SAMD5: variants seen among roughly 807,000 people sequenced by gnomAD.
SAMD5 encodes the protein sterile alpha motif domain-containing protein 5.
A neutral mutation model predicts 11.3 loss-of-function variants in SAMD5; 13 were observed. That is an observed-to-expected ratio of 1.15 (90% CI 0.75 to 1.83). The LOEUF (loss-of-function observed/expected upper bound fraction) is 1.83, where lower values mean the gene tolerates loss of function less well. Among genes scored for constraint, SAMD5 ranks in the 40% most tolerant of loss-of-function variants. The probability of loss-of-function intolerance (pLI) is 0.00; values close to 1 mark genes in which losing one functional copy is unlikely to be tolerated. For missense variants in SAMD5, 255 were observed against 239.1 expected (o/e 1.07, Z -0.44); for synonymous variants, 129 against 111.3 (o/e 1.16, Z -1.00).
the SAMD5 span, among the ~76,000 whole-genome samples, chr6:147,838,308 A>G: frequency 6.6e-6 from 1 of 152,226 alleles, no homozygotes; most frequent in Non-Finnish European, 1.5e-5. Context: ...GAGATTGAAT[A>G]AGAACCTGGA....
At chr6:147,616,323 A>ATGT (rs1562334387) in intron 1 of SAMD5, among the ~76,000 whole-genome samples, 2 of 147,224 alleles carry the variant, frequency 1.4e-5, no homozygotes, top group African/African-American at 5.1e-5. Context: ...ATTCATATAT[A>ATGT]CTTCATATAT....
intron 1 of SAMD5, among the ~76,000 whole-genome samples, chr6:147,631,451 G>A (rs1473614730): frequency 2.0e-5 from 3 of 152,114 alleles, no homozygotes; most frequent in Non-Finnish European, 4.4e-5. Context: ...TTGAAAGACT[G>A]TTAGTTCGTT....
At chr6:147,870,661 G>A in the SAMD5 span, among the ~76,000 whole-genome samples, 1 of 150,970 alleles carries the variant, frequency 6.6e-6, no homozygotes, top group African/African-American at 2.4e-5. Flanking sequence ...AAATTCAATC[G>A]GCAATTCAGA....
At chr6:147,799,861 C>A in the SAMD5 span, among the ~76,000 whole-genome samples, 1 of 152,172 alleles carries the variant, frequency 6.6e-6, no homozygotes, top group Non-Finnish European at 1.5e-5. Context: ...TTGATCACAT[C>A]GGCTCCTGAG....
the SAMD5 span, among the ~76,000 whole-genome samples, chr6:147,921,583 C>G: frequency 6.6e-6 from 1 of 152,174 alleles, no homozygotes; most frequent in Non-Finnish European, 1.5e-5. Flanking sequence ...ATTGAATGGA[C>G]TCAGGGGACT....
At chr6:147,639,519 C>T (rs1175047700) in intron 1 of SAMD5, among the ~76,000 whole-genome samples, 1 of 152,204 alleles carries the variant, frequency 6.6e-6, no homozygotes, top group Non-Finnish European at 1.5e-5. Flanking sequence ...GGCTCATCCT[C>T]ATCTCAGCGG....
At chr6:147,704,395 T>C (rs760566775) in intron 1 of SAMD5, among the ~76,000 whole-genome samples, 8 of 152,168 alleles carry the variant, frequency 5.3e-5, no homozygotes, top group Non-Finnish European at 7.4e-5. Context: ...AATTATGTTC[T>C]TCACTCATCA....
the SAMD5 span, among the ~76,000 whole-genome samples, chr6:147,917,842 G>T: frequency 2.6e-5 from 4 of 152,068 alleles, no homozygotes; most frequent in South Asian, 4.2e-4. Context: ...TGTTTTTGTC[G>T]GGTTTGTCAA....
chr6:147,799,608 T>G, the SAMD5 span, among the ~76,000 whole-genome samples: 2 of 151,958 alleles, frequency 1.3e-5, no homozygotes, highest in African/African-American at 2.4e-5. Flanking sequence ...GAATCTGAAC[T>G]TTGGCCTGCC....
At chr6:147,902,129 C>T in the SAMD5 span, among the ~76,000 whole-genome samples, 1 of 148,416 alleles carries the variant, frequency 6.7e-6, no homozygotes, top group Non-Finnish European at 1.5e-5. Context: ...AATAGTATGG[C>T]AATCAAGGGG....
chr6:147,842,613 T>G, the SAMD5 span, among the ~76,000 whole-genome samples: 1 of 152,084 alleles, frequency 6.6e-6, no homozygotes, highest in Non-Finnish European at 1.5e-5. Flanking sequence ...ATGCTTGAAA[T>G]TGAATGAAAA....
the SAMD5 span, among the ~76,000 whole-genome samples, chr6:147,861,936 A>T: frequency 6.6e-6 from 1 of 152,164 alleles, no homozygotes; most frequent in Non-Finnish European, 1.5e-5. Flanking sequence ...TTGCACATAA[A>T]TAGATACATT....
At chr6:147,654,849 G>A (rs1441263447) in intron 1 of SAMD5, among the ~76,000 whole-genome samples, 1 of 151,904 alleles carries the variant, frequency 6.6e-6, no homozygotes, top group East Asian at 1.9e-4. Flanking sequence ...AATTTTGCTT[G>A]TTGTCAGTTT....
the SAMD5 span, among the ~76,000 whole-genome samples, chr6:147,767,025 G>C: frequency 1.3e-5 from 2 of 152,280 alleles, no homozygotes; most frequent in Admixed American, 1.3e-4. Context: ...ATAATAGGAT[G>C]CTATTTAGCT....
chr6:147,606,165 C>T (rs186821088), intron 1 of SAMD5, among the ~76,000 whole-genome samples: 53 of 152,216 alleles, frequency 3.5e-4, no homozygotes, highest in Non-Finnish European at 6.3e-4. Flanking sequence ...TCCTGCCCAG[C>T]CCAGACTAGA....
chr6:147,518,840 A>G (rs772653123), intron 1 of SAMD5, among the ~76,000 whole-genome samples: 1 of 152,238 alleles, frequency 6.6e-6, no homozygotes, highest in Admixed American at 6.5e-5. Flanking sequence ...CAGATCAGCC[A>G]CTGATTTGGA....
the SAMD5 span, among the ~76,000 whole-genome samples, chr6:147,744,469 T>G: frequency 4.6e-5 from 7 of 152,262 alleles, no homozygotes; most frequent in African/African-American, 1.4e-4. Flanking sequence ...TTGCTTATAC[T>G]GAAAGAGAAA....
downstream of SAMD5, among the ~76,000 whole-genome samples, chr6:147,738,907 G>C (rs1410030553): frequency 2.0e-5 from 3 of 152,166 alleles, no homozygotes. Flanking sequence ...ATTATGAAAA[G>C]CACACCACAC....
intron 1 of SAMD5, among the ~76,000 whole-genome samples, chr6:147,578,075 C>T (rs1023783591): frequency 6.6e-6 from 1 of 152,104 alleles, no homozygotes; most frequent in African/African-American, 2.4e-5. Context: ...AATGCATTTA[C>T]AAAGCTCACT....
Sources: gnomAD v4.1 joint callset for allele counts (sites outside exome capture counted in the v4.1 genomes callset) on GRCh38, gnomAD v4.1.1 for gene constraint, MANE v1.5 for transcripts, NCBI Gene and HGNC (gene_info 2026-07-23, HGNC 2026-07-21) for gene names.